Variants in MS4A4E observed in about 807,000 individuals in gnomAD.
MS4A4E encodes the protein putative membrane-spanning 4-domains subfamily A member 4E.
In MS4A4E, 23 loss-of-function variants were observed where a neutral mutation model predicts 13.3. That is an observed-to-expected ratio of 1.73 (90% CI 1.25 to 2.45). The LOEUF is 2.45. Ranked by LOEUF, MS4A4E falls within the 30% of genes most tolerant of loss-of-function variation. The probability of loss-of-function intolerance (pLI) is 0.00; values close to 1 mark genes in which losing one functional copy is unlikely to be tolerated. For synonymous variants in MS4A4E, 36 were observed against 45.6 expected, an observed-to-expected ratio of 0.79 and a Z score of 0.85; for missense variants, 144 against 131.2, an observed-to-expected ratio of 1.10 and a Z score of -0.48.
intron 3 of MS4A4E, among the ~76,000 whole-genome samples, chr11:60,224,338 A>G (rs1027936127): frequency 2.0e-5 from 3 of 152,234 alleles, no homozygotes; most frequent in Non-Finnish European, 4.4e-5. Context: ...CAATTTCCTG[A>G]GATTTGATAG....
intron 3 of MS4A4E, among the ~76,000 whole-genome samples, chr11:60,222,588 G>A (rs1448055468): frequency 6.6e-6 from 1 of 152,088 alleles, no homozygotes; most frequent in Admixed American, 6.6e-5. Flanking sequence ...AGAAATCAAG[G>A]GGTATAAGTG....
intron 3 of MS4A4E, among the ~76,000 whole-genome samples, chr11:60,228,305 AAAG>A (rs1203776227): frequency 6.6e-6 from 1 of 152,226 alleles, no homozygotes; most frequent in African/African-American, 2.4e-5. Context: ...ACACCTCAAG[AAAG>A]AAGATATGGA....
intron 8 of MS4A4E, among the ~76,000 whole-genome samples, chr11:60,202,940 A>C (rs1472606987): frequency 1.3e-5 from 2 of 152,206 alleles, no homozygotes; most frequent in Admixed American, 1.3e-4. Context: ...TCTGGTATTA[A>C]ATTTGAAACA....
chr11:60,228,084 C>G (rs779711346), intron 3 of MS4A4E, among the ~76,000 whole-genome samples: 1 of 151,966 alleles, frequency 6.6e-6, no homozygotes, highest in African/African-American at 2.4e-5. Flanking sequence ...CATGAAATAC[C>G]GAATTAATCA....
intron 1 of MS4A4E, among the ~76,000 whole-genome samples, chr11:60,237,084 C>T (rs1194046345): frequency 6.6e-6 from 1 of 152,088 alleles, no homozygotes; most frequent in African/African-American, 2.4e-5. Context: ...TTTTTCTGCT[C>T]CTCTCCCTTT....
At chr11:60,223,816 C>G (rs1006900832) in intron 3 of MS4A4E, among the ~76,000 whole-genome samples, 3 of 152,042 alleles carry the variant, frequency 2.0e-5, no homozygotes, top group Admixed American at 2.0e-4. Flanking sequence ...GGCTTCATTG[C>G]CCCTCAGCTT....
chr11:60,239,327 C>T (rs909273881), intron 1 of MS4A4E, among the ~76,000 whole-genome samples: 11 of 152,122 alleles, frequency 7.2e-5, no homozygotes, highest in Non-Finnish European at 8.8e-5. Flanking sequence ...TACTAACTAC[C>T]TATTGACTAT....
At chr11:60,242,305 G>A (rs1466037940) in intron 1 of MS4A4E, among the ~76,000 whole-genome samples, 2 of 152,092 alleles carry the variant, frequency 1.3e-5, no homozygotes, top group African/African-American at 4.8e-5. Context: ...CAATGACTAC[G>A]ACTACTTACA....
At chr11:60,241,336 TA>T (rs1268463989) in intron 1 of MS4A4E, among the ~76,000 whole-genome samples, 1 of 152,200 alleles carries the variant, frequency 6.6e-6, no homozygotes, top group Non-Finnish European at 1.5e-5. Context: ...TTCTTTAATG[TA>T]AGGGAAACTC....
chr11:60,232,064 A>C (rs1457164791), intron 1 of MS4A4E, among the ~76,000 whole-genome samples: 1 of 152,196 alleles, frequency 6.6e-6, no homozygotes, highest in Non-Finnish European at 1.5e-5. Flanking sequence ...AAATTTTGCC[A>C]ATGTGTTAAA....
In MS4A4E at chr11:60,220,839, C is replaced by T. The variant is rs146053599; in HGVS notation, c.179-6225G>A. On this transcript the variant is annotated intron_variant, in intron 3 of 8. Coordinates refer to ENST00000651255, the MANE Select transcript of MS4A4E (RefSeq NM_001393391.1). ...GCTTATTTGGGTTTTGGAGGCCACA[C>T]ATTCGTTACCTGGGGGTGTTACTTG... Among the ~76,000 whole-genome samples, 16 of 152,304 alleles carry T rather than the reference C, an allele frequency of 1.1e-4. No homozygotes were observed. The East Asian group carries it at 3.1e-3, about 29-fold the overall frequency.
At chr11:60,233,417 C>G (rs191463671) in intron 1 of MS4A4E, among the ~76,000 whole-genome samples, 79 of 152,346 alleles carry the variant, frequency 5.2e-4, no homozygotes, top group Admixed American at 2.1e-3. Context: ...AATTCCATCC[C>G]TGCTCCATGG....
chr11:60,215,674 C>T (rs555171361), intron 3 of MS4A4E, among the ~76,000 whole-genome samples: 21 of 151,460 alleles, frequency 1.4e-4, no homozygotes, highest in Non-Finnish European at 2.7e-4. Flanking sequence ...AACATGTAGA[C>T]TATTATGTAT....
intron 8 of MS4A4E, among the ~76,000 whole-genome samples, chr11:60,203,558 G>A (rs944484579): frequency 6.6e-6 from 1 of 152,114 alleles, no homozygotes; most frequent in African/African-American, 2.4e-5. Context: ...ACACCATCCT[G>A]AGCAACATGG....
At chr11:60,208,538 T>G in intron 6 of MS4A4E, 55 bp downstream of exon 6, 1 of 647,414 alleles carries the variant, frequency 1.5e-6, no homozygotes, top group Non-Finnish European at 2.7e-6. Flanking sequence ...GTTTAACTGA[T>G]TATACAGCAA....
intron 3 of MS4A4E, among the ~76,000 whole-genome samples, chr11:60,218,809 A>G (rs1301670216): frequency 6.6e-6 from 1 of 152,218 alleles, no homozygotes; most frequent in African/African-American, 2.4e-5. Context: ...TCTAATTTAT[A>G]TAAGCAGAAA....
chr11:60,228,419 G>GT (rs1465678943), intron 3 of MS4A4E, among the ~76,000 whole-genome samples, 175 bp downstream of exon 3: 1 of 152,120 alleles, frequency 6.6e-6, no homozygotes, highest in Non-Finnish European at 1.5e-5. Flanking sequence ...TATTAGAATG[G>GT]TAAAAAATCC....
Position 60,243,041 on chromosome 11 carries a change from A to G in MS4A4E, c.-100T>C, listed in dbSNP as rs985785935. On this transcript the variant is annotated 5_prime_UTR_variant, in exon 1 of 9. Coordinates refer to ENST00000651255, the MANE Select transcript of MS4A4E (RefSeq NM_001393391.1). ...TTCCTCAAAGTTCTTTGTTCCAGAC[A>G]CAGTCAGCTTCCCCCACTCCACACC... The G allele has an allele frequency of 7.5e-7, 1 of 1,335,336 alleles. No homozygotes were observed. The highest frequency in any genetic ancestry group is 1.5e-5 in the African/African-American group (1 of 67,080). 82.7% of individuals were successfully genotyped at this position (1,335,336 alleles called of 1,614,324 possible). A position where few individuals can be genotyped will look rare whatever the true frequency, so the allele number is the denominator to read the frequency against.
chr11:60,236,356 T>C (rs2084482374), intron 1 of MS4A4E, among the ~76,000 whole-genome samples: 2 of 152,168 alleles, frequency 1.3e-5, no homozygotes, highest in South Asian at 4.1e-4. Flanking sequence ...GAATTTTTTA[T>C]AAAGATTGTG....
Sources: allele counts gnomAD v4.1 joint callset (sites outside exome capture counted in the v4.1 genomes callset), GRCh38; gene constraint gnomAD v4.1.1; transcripts MANE v1.5; gene names NCBI Gene and HGNC (gene_info 2026-07-23, HGNC 2026-07-21).